ASIC5: variants seen among roughly 807,000 people sequenced by gnomAD.
ASIC5 encodes bile acid-sensitive ion channel.
In ASIC5, 52 loss-of-function variants were observed where a neutral mutation model predicts 51.2. The ratio of observed to expected loss-of-function variants is 1.02; its 90% confidence interval spans 0.81 to 1.28. The LOEUF is 1.28. Among genes scored for constraint, ASIC5 ranks in the 50% most tolerant of loss-of-function variants. ASIC5 has a pLI of 0.00. For missense variants in ASIC5, 635 were observed against 595.0 expected (o/e 1.07, Z -0.70); for synonymous variants, 231 against 200.7 (o/e 1.15, Z -1.28).
At chr4:155,843,463 A>G (rs749120485) in intron 5 of ASIC5, among the ~76,000 whole-genome samples, 16 of 152,112 alleles carry the variant, frequency 1.1e-4, no homozygotes, top group Admixed American at 4.6e-4. Flanking sequence ...AATGAAATGT[A>G]AAGTTTGGAT....
At chr4:155,837,589 C>T (rs9992550) in intron 7 of ASIC5, among the ~76,000 whole-genome samples, 15,336 of 152,114 alleles carry the variant, frequency 0.1, 1,240 homozygotes, top group African/African-American at 0.22. Flanking sequence ...CCTTTGTTCT[C>T]GTGAATCAGT....
At chr4:155,859,299 T>C (rs1459710722) in intron 2 of ASIC5, among the ~76,000 whole-genome samples, 3 of 152,088 alleles carry the variant, frequency 2.0e-5, no homozygotes, top group Non-Finnish European at 4.4e-5. Flanking sequence ...ATTGTTTATT[T>C]TATTTTTTAA....
At chr4:155,862,371 T>G (rs2110772662) in intron 2 of ASIC5, among the ~76,000 whole-genome samples, 1 of 152,238 alleles carries the variant, frequency 6.6e-6, no homozygotes, top group African/African-American at 2.4e-5. Context: ...ACTTATTACC[T>G]TATCTAATGT....
At position 155,863,716 on chromosome 4, in the gene ASIC5, GT is replaced by G. The variant is rs765885384; in HGVS notation, c.78del (p.Lys26AsnfsTer51). 6.2e-7 allele frequency: 1 copy of G among 1,613,650 alleles called. No individual in the cohort carries two copies. The highest frequency in any genetic ancestry group is 1.1e-5 in the South Asian group (1 of 91,060). ...LEKIKLCLSK[K>X]PLPSPTERKK... The stretch of plus-strand genomic sequence containing the variant: ...TTTCGCTCAGTGGGAGATGGCAGTG[GT>G]TTCTTTGAAAGGCAAAGCTTTATCT... On this transcript the variant is annotated frameshift_variant, in exon 2 of 10. Transcript: ENST00000537611. LOFTEE classifies it high-confidence loss of function.
chr4:155,839,179 T>G (rs1021434770), intron 6 of ASIC5, among the ~76,000 whole-genome samples: 5 of 152,178 alleles, frequency 3.3e-5, no homozygotes, highest in Admixed American at 2.0e-4. Context: ...TTAAAATTAC[T>G]TTCACAGTTA....
intron 4 of ASIC5, among the ~76,000 whole-genome samples, chr4:155,847,656 A>C (rs573240817): frequency 2.0e-5 from 3 of 152,056 alleles, no homozygotes; most frequent in Non-Finnish European, 2.9e-5. Context: ...CAGTCAGCGG[A>C]AGTTGCAGTG....
chr4:155,856,371 G>A (rs954467701), intron 2 of ASIC5, among the ~76,000 whole-genome samples: 1 of 151,988 alleles, frequency 6.6e-6, no homozygotes, highest in African/African-American at 2.4e-5. Context: ...AGTCAAGGTA[G>A]GGCATACACA....
At chr4:155,832,829 A>T (rs1176095992) in intron 8 of ASIC5, among the ~76,000 whole-genome samples, 1 of 151,844 alleles carries the variant, frequency 6.6e-6, no homozygotes, top group Admixed American at 6.6e-5. Flanking sequence ...AGCCTTCATG[A>T]CCTCTCACCT....
intron 8 of ASIC5, among the ~76,000 whole-genome samples, chr4:155,835,978 T>C (rs1316631418): frequency 6.6e-6 from 1 of 152,192 alleles, no homozygotes; most frequent in African/African-American, 2.4e-5. Flanking sequence ...AATACCAATA[T>C]ACTGTATATA....
At chr4:155,830,108 A>G in intron 9 of ASIC5, 62 bp from the exon 10 acceptor site, 1 of 1,242,886 alleles carries the variant, frequency 8.0e-7, no homozygotes, top group Non-Finnish European at 1.1e-6. Flanking sequence ...ATATTATTAG[A>G]AGTTAAATTA....
chr4:155,838,597 T>A (rs965744409), intron 7 of ASIC5, among the ~76,000 whole-genome samples: 1 of 152,120 alleles, frequency 6.6e-6, no homozygotes, highest in Non-Finnish European at 1.5e-5. Context: ...AGAACAAAAT[T>A]TAAAAATTTA....
At chr4:155,842,945 A>T (rs1741154665) in intron 5 of ASIC5, among the ~76,000 whole-genome samples, 1 of 152,278 alleles carries the variant, frequency 6.6e-6, no homozygotes, top group East Asian at 1.9e-4. Flanking sequence ...TCAGGCCACC[A>T]CACAGGAACA....
chr4:155,843,240 C>T (rs1433818476), intron 5 of ASIC5, among the ~76,000 whole-genome samples: 1 of 152,078 alleles, frequency 6.6e-6, no homozygotes, highest in Non-Finnish European at 1.5e-5. Flanking sequence ...TTACCCCTTC[C>T]CTATTTGTGC....
At chr4:155,865,678 T>G (rs939945410) in intron 1 of ASIC5, among the ~76,000 whole-genome samples, 41 of 24,516 alleles carry the variant, frequency 1.7e-3, no homozygotes, top group Non-Finnish European at 3.1e-3. Context: ...AGTGTTTTAA[T>G]AGAGTTTTTT....
chr4:155,845,362 T>TG (rs56210874), intron 4 of ASIC5, among the ~76,000 whole-genome samples: 1 of 150,870 alleles, frequency 6.6e-6, no homozygotes, highest in Non-Finnish European at 1.5e-5. Flanking sequence ...TGGGTTTTTT[T>TG]TTTGTTTTTC....
At chr4:155,851,693 T>C (rs1741384879) in intron 4 of ASIC5, among the ~76,000 whole-genome samples, 2 of 151,996 alleles carry the variant, frequency 1.3e-5, no homozygotes, top group South Asian at 4.1e-4. Context: ...TAGGTCAATT[T>C]CAGCTTTCCA....
chr4:155,836,846 A>G lies in ASIC5; in HGVS notation c.1078T>C (p.Phe360Leu). Residue 360 changes from phenylalanine to leucine, a missense_variant, in exon 8 of 10, where the codon TTT becomes CTT. Coordinates refer to ENST00000537611, the MANE Select transcript of ASIC5 (RefSeq NM_017419.3). ...CVSPVLDHIEFKDLCTVGTHN... is the reference protein window; with the variant it reads ...CVSPVLDHIELKDLCTVGTHN... ...GTTCCTACTGTACATAAATCCTTAAATTCAATGTGGTCTGAAATGAAAATC... is the reference window on the plus strand; with the variant it reads ...GTTCCTACTGTACATAAATCCTTAAGTTCAATGTGGTCTGAAATGAAAATC... 1 of 1,593,882 alleles carries G rather than the reference A, an allele frequency of 6.3e-7. No individual in the cohort carries two copies. The highest frequency in any genetic ancestry group is 1.3e-5 in the African/African-American group (1 of 74,438).
chr4:155,864,254 T>G (rs908814863), intron 1 of ASIC5, among the ~76,000 whole-genome samples: 2 of 152,188 alleles, frequency 1.3e-5, no homozygotes, highest in Non-Finnish European at 2.9e-5. Context: ...CTCGTATTCT[T>G]TAATGTACAA....
intron 7 of ASIC5, among the ~76,000 whole-genome samples, 175 bp from the exon 8 acceptor site, chr4:155,837,032 A>C (rs1740998989): frequency 6.6e-6 from 1 of 152,230 alleles, no homozygotes; most frequent in Non-Finnish European, 1.5e-5. Flanking sequence ...AGGAGATACA[A>C]TATAAGGCCT....
Sources: allele counts gnomAD v4.1 joint callset (sites outside exome capture counted in the v4.1 genomes callset), GRCh38; gene constraint gnomAD v4.1.1; transcripts MANE v1.5; gene names NCBI Gene and HGNC (gene_info 2026-07-23, HGNC 2026-07-21).